CLHC1: variants seen among roughly 807,000 people sequenced by gnomAD.
CLHC1 encodes the protein clathrin heavy chain linker domain-containing protein 1.
A neutral mutation model predicts 69.5 loss-of-function variants in CLHC1; 72 were observed. That is an observed-to-expected ratio of 1.04 (90% CI 0.86 to 1.26). The LOEUF (loss-of-function observed/expected upper bound fraction) is 1.26. CLHC1 is among the 50% of genes most tolerant of loss of function. The pLI is 0.00. For synonymous variants in CLHC1, 223 were observed against 224.3 expected (o/e 0.99, Z 0.05); for missense variants, 790 against 679.3 (o/e 1.16, Z -1.81).
intron 1 of CLHC1, chr2:55,231,913 C>T (rs1675418256): frequency 6.6e-6 from 1 of 152,204 alleles, no homozygotes; most frequent in Non-Finnish European, 1.5e-5. Flanking sequence ...AAGACCCAGA[C>T]TCTTCCCTAG....
Position 55,209,959 on chromosome 2 carries a change from G to C in CLHC1, c.500-128C>G, listed in dbSNP as rs1322582739. Reference sequence around the variant, plus strand: ...TTAGAAATGATAGTATGTACTTATAGCTTACTGAACATAAGTAAAATTAGC... The same window carrying C: ...TTAGAAATGATAGTATGTACTTATACCTTACTGAACATAAGTAAAATTAGC... On this transcript the variant is annotated intron_variant, in intron 5 of 12. Transcript: ENST00000401408. The C allele has an allele frequency of 8.3e-6, 5 of 602,380 alleles. No individual in the cohort carries two copies. The Admixed American group carries it at 1.3e-4, about 16-fold the overall frequency. 37.3% of individuals were successfully genotyped at this position (602,380 alleles called of 1,614,324 possible).
chr2:55,201,578 C>T (rs1213689647), intron 9 of CLHC1, among the ~76,000 whole-genome samples: 2 of 152,086 alleles, frequency 1.3e-5, no homozygotes, highest in East Asian at 3.8e-4. Context: ...TCTGACTCTA[C>T]CAAACATCTA....
At chr2:55,196,224 T>G (rs1671401833) in intron 9 of CLHC1, among the ~76,000 whole-genome samples, 1 of 152,190 alleles carries the variant, frequency 6.6e-6, no homozygotes, top group Admixed American at 6.5e-5. Flanking sequence ...GCTCAAGTGC[T>G]TTGGGGTCCT....
chr2:55,231,847 A>G (rs1338487608), intron 1 of CLHC1: 1 of 152,198 alleles, frequency 6.6e-6, no homozygotes, highest in Admixed American at 6.5e-5. Flanking sequence ...TTAAAATTTG[A>G]AAACTCCTGA....
chr2:55,217,409 G>T (rs763757071), intron 4 of CLHC1, among the ~76,000 whole-genome samples: 7 of 147,824 alleles, frequency 4.7e-5, no homozygotes, highest in South Asian at 4.3e-4. Context: ...TGTAGTCCCA[G>T]CTATTCAGGA....
At position 55,190,920 on chromosome 2, in the gene CLHC1, C is replaced by T. The variant is rs576236131; in HGVS notation, c.1007-9176G>A. Among the ~76,000 whole-genome samples the T allele has an allele frequency of 9.6e-4, 146 of 152,122 alleles. 1 individual carries two copies. The highest frequency in any genetic ancestry group is 1.6e-3 in the Non-Finnish European group (109 of 67,986). On this transcript the variant is annotated intron_variant, in intron 9 of 12. Transcript: ENST00000401408. The stretch of plus-strand genomic sequence containing the variant: ...AAGCATGAAAATAAAACTATACTAA[C>T]ACTCACAATCAAAGTGCCAAAAAAA...
intron 3 of CLHC1, among the ~76,000 whole-genome samples, chr2:55,219,640 A>G (rs1673920705): frequency 6.6e-6 from 1 of 152,052 alleles, no homozygotes; most frequent in Non-Finnish European, 1.5e-5. Flanking sequence ...ATTCTCTTAT[A>G]GTCAGCCCAC....
At chr2:55,204,310 T>G (rs915135599) in intron 9 of CLHC1, among the ~76,000 whole-genome samples, 4 of 152,000 alleles carry the variant, frequency 2.6e-5, no homozygotes, top group Non-Finnish European at 5.9e-5. Context: ...AAGATTTGAA[T>G]AGACATTTCT....
At chr2:55,208,130 A>G (rs1286844866) in intron 8 of CLHC1, among the ~76,000 whole-genome samples, 1 of 152,212 alleles carries the variant, frequency 6.6e-6, no homozygotes, top group African/African-American at 2.4e-5. Context: ...TCAGGTTGAT[A>G]GCTAGGAAAT....
intron 1 of CLHC1, among the ~76,000 whole-genome samples, chr2:55,229,429 G>C (rs1675048221): frequency 6.6e-6 from 1 of 152,134 alleles, no homozygotes; most frequent in South Asian, 2.1e-4. Context: ...AAAGGCCTCA[G>C]GGTGGGACAA....
At chr2:55,223,742 C>A (rs936104279) in intron 2 of CLHC1, among the ~76,000 whole-genome samples, 1 of 152,050 alleles carries the variant, frequency 6.6e-6, no homozygotes, top group Non-Finnish European at 1.5e-5. Context: ...CTAGGACGCC[C>A]CGGTGTTCAG....
chr2:55,231,108 G>C (rs1004174164), intron 1 of CLHC1, among the ~76,000 whole-genome samples: 1 of 152,064 alleles, frequency 6.6e-6, no homozygotes, highest in African/African-American at 2.4e-5. Context: ...AAATTAGCCG[G>C]GTGTGGTGGT....
chr2:55,178,131 T>C (rs185357945), intron 11 of CLHC1, among the ~76,000 whole-genome samples: 1 of 152,304 alleles, frequency 6.6e-6, no homozygotes, highest in African/African-American at 2.4e-5. Context: ...GGAACTCAGT[T>C]TTCACATCTG....
chr2:55,194,060 G>A (rs576549184), intron 9 of CLHC1, among the ~76,000 whole-genome samples: 2 of 152,160 alleles, frequency 1.3e-5, no homozygotes, highest in South Asian at 4.1e-4. Flanking sequence ...AAGGACCAAA[G>A]CAGGTAAATC....
At chr2:55,222,530 T>G (rs1674235970) in intron 2 of CLHC1, 37 bp from the exon 3 acceptor site, 2 of 702,852 alleles carry the variant, frequency 2.8e-6, no homozygotes, top group Non-Finnish European at 4.5e-6. Context: ...ATATAATAAT[T>G]TTTTAACTTA....
At chr2:55,227,962 C>A (rs934562682) in intron 2 of CLHC1, 70 bp downstream of exon 2, 1 of 152,150 alleles carries the variant, frequency 6.6e-6, no homozygotes. Context: ...TTCTCTCCCC[C>A]TCCCTGCAGA....
At chr2:55,216,428 A>C (rs533312204) in intron 4 of CLHC1, among the ~76,000 whole-genome samples, 2 of 152,330 alleles carry the variant, frequency 1.3e-5, no homozygotes, top group South Asian at 4.1e-4. Context: ...TGTGAATAAC[A>C]GGATTAAGTG....
chr2:55,200,336 C>G (rs1353191358), intron 9 of CLHC1, among the ~76,000 whole-genome samples: 2 of 142,132 alleles, frequency 1.4e-5, no homozygotes, highest in African/African-American at 5.3e-5. Context: ...ACTGAAAACA[C>G]AGGAATGGAA....
intron 2 of CLHC1, among the ~76,000 whole-genome samples, chr2:55,226,249 T>A (rs1218922691): frequency 6.6e-6 from 1 of 151,368 alleles, no homozygotes; most frequent in African/African-American, 2.4e-5. Flanking sequence ...CCAACTGAAG[T>A]TGGATACAGA....
Sources: gnomAD v4.1 joint callset for allele counts (sites outside exome capture counted in the v4.1 genomes callset) on GRCh38, gnomAD v4.1.1 for gene constraint, MANE v1.5 for transcripts, NCBI Gene and HGNC (gene_info 2026-07-23, HGNC 2026-07-21) for gene names.